ZFHX3: variants seen among roughly 807,000 people sequenced by gnomAD.
The protein encoded by ZFHX3 is zinc finger homeobox protein 3.
In ZFHX3, 42 loss-of-function variants were observed where a neutral mutation model predicts 279.1. The observed-to-expected ratio is 0.15, with a 90% confidence interval of 0.12 to 0.19. ZFHX3 has a LOEUF of 0.19. Ranked by LOEUF, ZFHX3 falls within the 10% of genes least tolerant of loss-of-function variation. The pLI is 1.00. For missense variants in ZFHX3, 4,981 were observed against 4,754.0 expected (o/e 1.05, Z -1.40); for synonymous variants, 2,293 against 1,957.8 (o/e 1.17, Z -4.52).
At chr16:73,516,976 C>T (rs1347918098) in intron 2 of ZFHX3, among the ~76,000 whole-genome samples, 2 of 152,190 alleles carry the variant, frequency 1.3e-5, no homozygotes, top group African/African-American at 4.8e-5. Context: ...AGATCAAGTA[C>T]AGAAAAACGC....
At chr16:73,771,634 C>T (rs2054018897) in intron 1 of ZFHX3, among the ~76,000 whole-genome samples, 1 of 150,740 alleles carries the variant, frequency 6.6e-6, no homozygotes, top group African/African-American at 2.4e-5. Flanking sequence ...CATAAGAGTA[C>T]CTAGTCTGAT....
intron 4 of ZFHX3, among the ~76,000 whole-genome samples, chr16:72,887,338 C>A (rs1345680123): frequency 6.6e-6 from 1 of 151,920 alleles, no homozygotes; most frequent in African/African-American, 2.4e-5. Context: ...ATCATAGGTA[C>A]CTAGAAAACC....
intron 5 of ZFHX3, among the ~76,000 whole-genome samples, chr16:73,231,186 C>G (rs1567424589): frequency 6.6e-6 from 1 of 152,212 alleles, no homozygotes; most frequent in Non-Finnish European, 1.5e-5. Flanking sequence ...CAGGTGCATG[C>G]CCAGCATCAC....
chr16:73,830,395 G>A (rs929594105), intron 1 of ZFHX3, among the ~76,000 whole-genome samples: 14 of 152,046 alleles, frequency 9.2e-5, no homozygotes, highest in Admixed American at 2.0e-4. Flanking sequence ...GCTGTAGACC[G>A]GAGCTGTTCC....
intron 3 of ZFHX3, among the ~76,000 whole-genome samples, chr16:73,340,310 G>T (rs2016006981): frequency 6.6e-6 from 1 of 152,186 alleles, no homozygotes. Flanking sequence ...GAAAATTTAG[G>T]ACATAATAAA....
chr16:73,191,573 A>T (rs977247300), intron 5 of ZFHX3, among the ~76,000 whole-genome samples: 1 of 152,050 alleles, frequency 6.6e-6, no homozygotes, highest in East Asian at 1.9e-4. Context: ...AAAACAAAAA[A>T]CCAAACCAAA....
intron 1 of ZFHX3, among the ~76,000 whole-genome samples, chr16:73,777,970 C>T (rs1475237661): frequency 6.6e-6 from 1 of 152,050 alleles, no homozygotes; most frequent in Non-Finnish European, 1.5e-5. Flanking sequence ...ACTCTGGCTA[C>T]ACTGAGCCAT....
intron 1 of ZFHX3, among the ~76,000 whole-genome samples, chr16:73,766,438 T>A (rs1176091173): frequency 1.3e-5 from 2 of 152,168 alleles, no homozygotes; most frequent in East Asian, 1.9e-4. Flanking sequence ...AACTTCTCCA[T>A]CCAAGAATAA....
intron 2 of ZFHX3, among the ~76,000 whole-genome samples, chr16:73,465,041 G>A (rs2018539962): frequency 6.6e-6 from 1 of 152,156 alleles, no homozygotes; most frequent in Admixed American, 6.5e-5. Flanking sequence ...ACGATCATTA[G>A]ATGAGAGGAC....
intron 1 of ZFHX3, among the ~76,000 whole-genome samples, chr16:73,768,331 G>T (rs1567404095): frequency 1.3e-5 from 2 of 152,184 alleles, no homozygotes; most frequent in Non-Finnish European, 2.9e-5. Flanking sequence ...AAGGATGGGA[G>T]CAGACATGGA....
intron 2 of ZFHX3, among the ~76,000 whole-genome samples, chr16:73,537,314 C>CTTTTTT (rs3051948): frequency 2.1e-4 from 16 of 77,592 alleles, no homozygotes; most frequent in Non-Finnish European, 3.3e-4. Flanking sequence ...CTTTCTTCTT[C>CTTTTTT]TTTTTTTTTT....
intron 4 of ZFHX3, among the ~76,000 whole-genome samples, chr16:73,315,882 G>C (rs1253307589): frequency 6.6e-6 from 1 of 152,190 alleles, no homozygotes; most frequent in Non-Finnish European, 1.5e-5. Context: ...CCCCCTGGGA[G>C]TTGCAAGGAA....
chr16:73,439,068 T>G (rs988541285), intron 3 of ZFHX3, among the ~76,000 whole-genome samples: 4 of 151,598 alleles, frequency 2.6e-5, no homozygotes, highest in East Asian at 3.9e-4. Flanking sequence ...ACCTGGGGGG[T>G]TTTTGCCTTC....
At chr16:73,010,844 A>G (rs1963887918) in intron 1 of ZFHX3, among the ~76,000 whole-genome samples, 1 of 152,172 alleles carries the variant, frequency 6.6e-6, no homozygotes, top group Admixed American at 6.5e-5. Flanking sequence ...TTGCTCTGTC[A>G]CCCAGGCTGG....
intron 4 of ZFHX3, among the ~76,000 whole-genome samples, chr16:72,837,474 A>ATTTT (rs761762599): frequency 4.8e-5 from 6 of 125,182 alleles, no homozygotes; most frequent in South Asian, 2.6e-4. Context: ...TCCAATGATG[A>ATTTT]TTTTTTTTTT....
At chr16:73,163,095 T>C (rs1286543930) in intron 5 of ZFHX3, among the ~76,000 whole-genome samples, 1 of 152,228 alleles carries the variant, frequency 6.6e-6, no homozygotes, top group African/African-American at 2.4e-5. Flanking sequence ...GATGGCCATC[T>C]TTCATTCAGT....
chr16:72,979,583 T>C (rs9930445), intron 1 of ZFHX3, among the ~76,000 whole-genome samples: 58,905 of 152,006 alleles, frequency 0.39, 11,836 homozygotes, highest in African/African-American at 0.49. Flanking sequence ...TTTTATTGAG[T>C]ACCTAATCTG....
chr16:72,913,098 A>G (rs944105435), intron 3 of ZFHX3, among the ~76,000 whole-genome samples: 2 of 152,316 alleles, frequency 1.3e-5, no homozygotes, highest in Admixed American at 1.3e-4. Flanking sequence ...ATAACATTAG[A>G]TTTATAGAAG....
rs1597141365 is a variant in ZFHX3 at position 73,058,201 on chromosome 16, C to CGGCGGCGCGGGGCCGGGGAGGAGGG, written c.-24+304_-24+328dup. On this transcript the variant is annotated intron_variant, in intron 1 of 8. Coordinates refer to the ZFHX3 transcript ENST00000397992. ...CCCGGGGGTCGCCGGCGGCCGGCGG[C>CGGCGGCGCGGGGCCGGGGAGGAGGG]GGCGGCGCGGGGCCGGGGAGGAGGG... Among the ~76,000 whole-genome samples the CGGCGGCGCGGGGCCGGGGAGGAGGG allele has an allele frequency of 2.8e-5, 4 of 145,202 alleles. No homozygotes were observed. In the East Asian group the frequency reaches 8.1e-4, roughly 29 times the overall value.
Sources: allele counts gnomAD v4.1 joint callset (sites outside exome capture counted in the v4.1 genomes callset), GRCh38; gene constraint gnomAD v4.1.1; transcripts MANE v1.5; gene names NCBI Gene and HGNC (gene_info 2026-07-23, HGNC 2026-07-21).